ME2: variants seen among roughly 807,000 people sequenced by gnomAD.
The protein encoded by ME2 is malic enzyme 2, also known as NAD-dependent malic enzyme, mitochondrial.
A neutral mutation model predicts 73.7 loss-of-function variants in ME2; 60 were observed. The observed-to-expected ratio is 0.81, with a 90% CI of 0.66 to 1.01. The LOEUF is 1.01. ME2 is among the 50% of genes least tolerant of loss of function. The pLI, the probability that ME2 is intolerant of heterozygous loss-of-function variation, is 0.00. For missense variants in ME2, 594 were observed against 705.5 expected (o/e 0.84, Z 1.79); for synonymous variants, 199 against 236.9 (o/e 0.84, Z 1.47).
chr18:50,922,398 C>T lies in ME2; in HGVS notation c.1056+1211C>T, dbSNP rs144653509. On this transcript the variant is annotated intron_variant, in intron 10 of 15. Coordinates refer to ENST00000321341, the MANE Select transcript of ME2 (RefSeq NM_002396.5). ...GATTCAAAACCAAGTATCCTGACTG[C>T]GAAGCCTGTGCTCTGAATAATTAAA... Among the ~76,000 whole-genome samples, 266 of 152,286 alleles carry T rather than the reference C, an allele frequency of 1.7e-3. 1 individual carries two copies. Among genetic ancestry groups the T allele is most frequent in the East Asian group, 0.013 (65 of 5,184 alleles).
intron 13 of ME2, among the ~76,000 whole-genome samples, chr18:50,938,913 C>T (rs1356122184): frequency 6.6e-6 from 1 of 151,740 alleles, no homozygotes; most frequent in African/African-American, 2.4e-5. Flanking sequence ...GGAAAAAGGA[C>T]AATTATTAAC....
At chr18:50,939,063 C>G (rs1283003038) in intron 13 of ME2, 1 of 148,808 alleles carries the variant, frequency 6.7e-6, no homozygotes, top group Non-Finnish European at 1.5e-5. Flanking sequence ...TAAATATTTA[C>G]TCCTACAGGA....
intron 2 of ME2, among the ~76,000 whole-genome samples, chr18:50,899,155 C>T (rs1304840314): frequency 6.6e-6 from 1 of 152,232 alleles, no homozygotes; most frequent in African/African-American, 2.4e-5. Context: ...TGCAAGGGAT[C>T]TAGGTTGCAC....
chr18:50,915,994 C>T, intron 4 of ME2, 174 bp from the exon 5 acceptor site: 1 of 531,508 alleles, frequency 1.9e-6, no homozygotes, highest in Non-Finnish European at 3.4e-6. Context: ...ACAGTAATTA[C>T]AGTTTGAAGT....
intron 3 of ME2, among the ~76,000 whole-genome samples, chr18:50,910,801 A>C (rs189786069): frequency 6.6e-6 from 1 of 152,186 alleles, no homozygotes; most frequent in Admixed American, 6.5e-5. Context: ...TCATGTGGGG[A>C]TTCCTAAACA....
At chr18:50,940,589 A>G (rs144301187) in intron 15 of ME2, among the ~76,000 whole-genome samples, 500 of 152,288 alleles carry the variant, frequency 3.3e-3, no homozygotes, top group Admixed American at 6.3e-3. Context: ...AAACACATAC[A>G]TGCATACACA....
At chr18:50,935,885 G>A (rs1272923512) in intron 13 of ME2, among the ~76,000 whole-genome samples, 1 of 151,134 alleles carries the variant, frequency 6.6e-6, no homozygotes, top group South Asian at 2.1e-4. Flanking sequence ...AAAAAAAATA[G>A]GTAAGGGACA....
At chr18:50,905,891 C>A (rs368345311) in intron 2 of ME2, among the ~76,000 whole-genome samples, 1 of 152,140 alleles carries the variant, frequency 6.6e-6, no homozygotes, top group Non-Finnish European at 1.5e-5. Context: ...GTCCGACCCC[C>A]CATGCCATCA....
Position 50,908,051 on chromosome 18 carries a change from T to C in ME2, c.109-12T>C. 6.6e-7 allele frequency: 1 copy of C among 1,526,316 alleles called. No individual in the cohort carries two copies. The allele number at this position is 1,526,316 out of a possible 1,614,324, so 94.5% of individuals were successfully genotyped here. A position where few individuals can be genotyped will look rare whatever the true frequency, so the allele number is the denominator to read the frequency against. Reference sequence around the variant, plus strand: ...AGTAATAATTTTTAATCCTTTTATTTCTCCTCTTTAGGGAATGGCATTTAC... The same window carrying C: ...AGTAATAATTTTTAATCCTTTTATTCCTCCTCTTTAGGGAATGGCATTTAC... On this transcript the variant is annotated splice_polypyrimidine_tract_variant and intron_variant, in intron 2 of 15. Transcript: ENST00000321341.
At chr18:50,904,052 A>C (rs1341458714) in intron 2 of ME2, among the ~76,000 whole-genome samples, 1 of 152,128 alleles carries the variant, frequency 6.6e-6, no homozygotes, top group African/African-American at 2.4e-5. Flanking sequence ...GTATGTCTAT[A>C]TTTATAATAG....
At chr18:50,888,743 A>G (rs1916539988) in intron 1 of ME2, among the ~76,000 whole-genome samples, 1 of 152,312 alleles carries the variant, frequency 6.6e-6, no homozygotes, top group East Asian at 1.9e-4. Flanking sequence ...AGGAAGCTCT[A>G]TAAAGGGTAT....
At chr18:50,917,882 A>T (rs1376390614) in intron 6 of ME2, among the ~76,000 whole-genome samples, 1 of 152,114 alleles carries the variant, frequency 6.6e-6, no homozygotes, top group Non-Finnish European at 1.5e-5. Flanking sequence ...GAGGCAAGAG[A>T]ATTGCTTGAA....
chr18:50,950,467 C>CTTTTTTTTTCTTTTTT lies in ME2; in HGVS notation c.*3292_*3293insCTTTTTTTTTTTTTTT, dbSNP rs1555679814. 4.4e-5 allele frequency: 2 copies of CTTTTTTTTTCTTTTTT among 45,074 alleles called. No individual in the cohort carries two copies. The highest frequency in any genetic ancestry group is 8.0e-5 in the Non-Finnish European group (2 of 24,924). 2.8% of individuals were successfully genotyped at this position (45,074 alleles called of 1,614,324 possible). ...GCCTGGGGTGGGGCCTCAGATTCTGCTTTTTTTTTTTTTTTTTTTTTTTTT... is the reference window on the plus strand; with the variant it reads ...GCCTGGGGTGGGGCCTCAGATTCTGCTTTTTTTTTCTTTTTTTTTTTTTTTTTTTTTTTTTTTTTTT... On this transcript the variant is annotated 3_prime_UTR_variant, in exon 16 of 16. Transcript: ENST00000321341.
At chr18:50,915,106 C>T (rs1917254884) in intron 4 of ME2, among the ~76,000 whole-genome samples, 1 of 152,058 alleles carries the variant, frequency 6.6e-6, no homozygotes, top group Non-Finnish European at 1.5e-5. Context: ...CCTCCTCCTC[C>T]TCCTCCTCCT....
intron 3 of ME2, among the ~76,000 whole-genome samples, chr18:50,910,887 G>A (rs1364690563): frequency 2.0e-5 from 3 of 152,172 alleles, no homozygotes; most frequent in Admixed American, 2.0e-4. Context: ...AGAGGATCCT[G>A]AAGGGAGCCC....
chr18:50,882,986 C>T (rs1290501086), intron 1 of ME2, among the ~76,000 whole-genome samples: 1 of 152,182 alleles, frequency 6.6e-6, no homozygotes, highest in African/African-American at 2.4e-5. Flanking sequence ...CTGCAATCTA[C>T]TGTCCTGATC....
At chr18:50,913,575 A>G (rs2144226151) in intron 4 of ME2, among the ~76,000 whole-genome samples, 1 of 151,948 alleles carries the variant, frequency 6.6e-6, no homozygotes, top group Non-Finnish European at 1.5e-5. Context: ...CCAAGTGATC[A>G]GCCTGCCTCA....
In ME2 at chr18:50,920,660, G is replaced by T; in HGVS notation, c.845-1G>T. On this transcript the variant is annotated splice_acceptor_variant, in intron 8 of 15. Transcript: ENST00000321341. LOFTEE classifies it high-confidence loss of function. ...TGTAAAAATCTTTGTTTTTCTTACA[G>T]GGACAGCTGCAGTAGCTCTAGCAGG... 1 of 1,595,814 alleles carries T rather than the reference G, an allele frequency of 6.3e-7. No individual in the cohort carries two copies. Among genetic ancestry groups the T allele is most frequent in the South Asian group, 1.2e-5 (1 of 86,900 alleles).
At chr18:50,885,958 T>C (rs1241251776) in intron 1 of ME2, among the ~76,000 whole-genome samples, 1 of 152,202 alleles carries the variant, frequency 6.6e-6, no homozygotes, top group Non-Finnish European at 1.5e-5. Flanking sequence ...TTCTCTTATA[T>C]AGCAAATTCT....
Sources: allele counts gnomAD v4.1 joint callset (sites outside exome capture counted in the v4.1 genomes callset), GRCh38; gene constraint gnomAD v4.1.1; transcripts MANE v1.5; gene names NCBI Gene and HGNC (gene_info 2026-07-23, HGNC 2026-07-21).